The following SLC25A21 variants were observed in gnomAD, a reference collection of about 807,000 sequenced individuals.
SLC25A21 encodes the protein solute carrier family 25 member 21.
Under a neutral mutation model 43.8 loss-of-function variants are expected in SLC25A21, and 47 were observed. The observed-to-expected ratio is 1.07, with a 90% confidence interval of 0.85 to 1.37. The LOEUF is 1.37. Ranked by LOEUF, SLC25A21 falls within the 40% of genes most tolerant of loss-of-function variation. The pLI is 0.00. For synonymous variants in SLC25A21, 131 were observed against 121.3 expected, an observed-to-expected ratio of 1.08 and a Z score of -0.52; for missense variants, 352 against 350.2, an observed-to-expected ratio of 1.00 and a Z score of -0.04.
chr14:36,936,109 G>A (rs1892417061), intron 1 of SLC25A21, among the ~76,000 whole-genome samples: 1 of 152,122 alleles, frequency 6.6e-6, no homozygotes, highest in Non-Finnish European at 1.5e-5. Flanking sequence ...AGTTGAGACA[G>A]CACCGTGAAG....
chr14:36,807,766 G>C (rs1239125954), intron 3 of SLC25A21, among the ~76,000 whole-genome samples: 1 of 152,154 alleles, frequency 6.6e-6, no homozygotes, highest in Non-Finnish European at 1.5e-5. Flanking sequence ...TTGTAGAGCT[G>C]TGGGCATCAC....
chr14:36,860,184 C>T (rs2138530129), intron 2 of SLC25A21, among the ~76,000 whole-genome samples: 1 of 150,578 alleles, frequency 6.6e-6, no homozygotes, highest in South Asian at 2.1e-4. Context: ...GATGGGGCAG[C>T]CAAAGAAGTT....
chr14:36,734,696 T>C, intron 3 of SLC25A21, 123 bp from the exon 4 acceptor site: 1 of 680,066 alleles, frequency 1.5e-6, no homozygotes, highest in Non-Finnish European at 2.5e-6. Flanking sequence ...CATGAAGTCT[T>C]CCTTTCATTC....
intron 3 of SLC25A21, among the ~76,000 whole-genome samples, chr14:36,750,512 T>C (rs1481133808): frequency 6.6e-6 from 1 of 152,212 alleles, no homozygotes; most frequent in Non-Finnish European, 1.5e-5. Flanking sequence ...CTCCTGGTTG[T>C]ATGAGACATT....
At chr14:36,828,656 G>A (rs1888922824) in intron 2 of SLC25A21, 1 of 152,180 alleles carries the variant, frequency 6.6e-6, no homozygotes, top group South Asian at 2.1e-4. Flanking sequence ...TTACTGTATT[G>A]GGTGTGCCTT....
chr14:36,679,011 C>T lies in SLC25A21; in HGVS notation c.*1647G>A, dbSNP rs61994921. ...TATCTCATAGATGGTAAAAGTGTTG[C>T]TTTTAAACTGGCAAATGCACTCTTC... On this transcript the variant is annotated 3_prime_UTR_variant, in exon 10 of 10. Transcript: ENST00000331299. The T allele has an allele frequency of 1.0e-6, 1 of 952,762 alleles. No individual in the cohort carries two copies. 59.0% of individuals were successfully genotyped at this position (952,762 alleles called of 1,614,324 possible).
chr14:37,036,014 C>A (rs1468928849), intron 1 of SLC25A21, among the ~76,000 whole-genome samples: 2 of 152,132 alleles, frequency 1.3e-5, no homozygotes, highest in East Asian at 3.9e-4. Context: ...GTATTCATTT[C>A]TCTTGGACAA....
At chr14:37,144,277 ATTAC>A (rs951523216) in intron 1 of SLC25A21, among the ~76,000 whole-genome samples, 1 of 152,232 alleles carries the variant, frequency 6.6e-6, no homozygotes, top group African/African-American at 2.4e-5. Flanking sequence ...AGGCCTTTGT[ATTAC>A]TTATCTCAAT....
chr14:36,935,614 G>A (rs1892403257), intron 1 of SLC25A21, among the ~76,000 whole-genome samples: 1 of 152,134 alleles, frequency 6.6e-6, no homozygotes, highest in African/African-American at 2.4e-5. Flanking sequence ...AATAGTTTAA[G>A]TTGTCCTCAC....
At chr14:36,838,088 C>T (rs1414785184) in intron 2 of SLC25A21, among the ~76,000 whole-genome samples, 3 of 152,102 alleles carry the variant, frequency 2.0e-5, no homozygotes, top group African/African-American at 7.2e-5. Flanking sequence ...CGGAAACACC[C>T]AGGTCAATCA....
At chr14:36,865,097 C>T (rs1210917683) in intron 2 of SLC25A21, among the ~76,000 whole-genome samples, 1 of 151,600 alleles carries the variant, frequency 6.6e-6, no homozygotes, top group East Asian at 1.9e-4. Flanking sequence ...CCTGCTGTTC[C>T]GTTGGCCCAA....
intron 1 of SLC25A21, among the ~76,000 whole-genome samples, chr14:36,900,044 C>T (rs36123661): frequency 0.1 from 15,824 of 151,990 alleles, 1,151 homozygotes; most frequent in East Asian, 0.36. Context: ...AATTTGTTGG[C>T]TCATAAATGA....
At chr14:36,790,784 A>G (rs1031600337) in intron 3 of SLC25A21, among the ~76,000 whole-genome samples, 22 of 152,168 alleles carry the variant, frequency 1.4e-4, no homozygotes, top group South Asian at 2.1e-4. Context: ...TTTGAAAAAT[A>G]AACTATTCAA....
chr14:37,092,990 T>C (rs1287987093), intron 1 of SLC25A21, among the ~76,000 whole-genome samples: 1 of 152,070 alleles, frequency 6.6e-6, no homozygotes, highest in South Asian at 2.1e-4. Context: ...TCCATCTTTT[T>C]TAAATGCTCT....
chr14:36,773,451 C>T (rs1886701977), intron 3 of SLC25A21, among the ~76,000 whole-genome samples: 2 of 152,156 alleles, frequency 1.3e-5, no homozygotes, highest in South Asian at 4.1e-4. Context: ...TCTTTGGTCT[C>T]AGAGAGAATA....
At chr14:36,755,481 C>G (rs1409795535) in intron 3 of SLC25A21, among the ~76,000 whole-genome samples, 3 of 152,180 alleles carry the variant, frequency 2.0e-5, no homozygotes, top group Admixed American at 2.0e-4. Context: ...TCATTGATCT[C>G]TATGTGACCC....
rs567608034 is a variant in SLC25A21, at chr14:36,865,536, G to C, written c.119+9420C>G. 2.6e-5 allele frequency among the ~76,000 whole-genome samples: 4 copies of C among 151,970 alleles called. No homozygotes were observed. The East Asian group carries it at 5.8e-4, about 22-fold the overall frequency. ...CCCACTTCCACTCACGGTGAACAAA[G>C]CAGCAGTTTACATAAATAAAACCAA... is the stretch of plus-strand genomic sequence containing the variant. On this transcript the variant is annotated intron_variant, in intron 2 of 9. Coordinates refer to ENST00000331299, the MANE Select transcript of SLC25A21 (RefSeq NM_030631.4).
chr14:36,745,967 G>C (rs936482622), intron 3 of SLC25A21, among the ~76,000 whole-genome samples: 5 of 152,110 alleles, frequency 3.3e-5, no homozygotes, highest in African/African-American at 1.2e-4. Flanking sequence ...GATGTTGATG[G>C]AGATGCAGAA....
intron 1 of SLC25A21, among the ~76,000 whole-genome samples, chr14:37,060,605 CCA>C (rs10560891): frequency 3.4e-4 from 51 of 149,014 alleles, no homozygotes; most frequent in East Asian, 5.9e-4. Flanking sequence ...CCATTAAACA[CCA>C]CACACACACA....
Sources: allele counts gnomAD v4.1 joint callset (sites outside exome capture counted in the v4.1 genomes callset), GRCh38; gene constraint gnomAD v4.1.1; transcripts MANE v1.5; gene names NCBI Gene and HGNC (gene_info 2026-07-23, HGNC 2026-07-21).